Variants in ATE1 observed in about 807,000 individuals in gnomAD.
ATE1 encodes arginyl-tRNA--protein transferase 1.
A neutral mutation model predicts 70.5 loss-of-function variants in ATE1; 36 were observed. The ratio of observed to expected loss-of-function variants is 0.51; its 90% CI spans 0.39 to 0.67. The LOEUF (loss-of-function observed/expected upper bound fraction) is 0.67, where lower values mean the gene tolerates loss of function less well. ATE1 is among the 30% of genes least tolerant of loss of function. ATE1 has a pLI of 0.00. For missense variants in ATE1, 593 were observed against 629.5 expected (o/e 0.94, Z 0.62); for synonymous variants, 232 against 219.3 (o/e 1.06, Z -0.51).
intron 11 of ATE1, among the ~76,000 whole-genome samples, chr10:121,766,505 C>T (rs1451191513): frequency 6.6e-6 from 1 of 152,104 alleles, no homozygotes; most frequent in Non-Finnish European, 1.5e-5. Context: ...AGGAGTGACA[C>T]AGTGATAAAC....
At chr10:121,896,847 A>G (rs1950800462) in intron 7 of ATE1, among the ~76,000 whole-genome samples, 1 of 146,820 alleles carries the variant, frequency 6.8e-6, no homozygotes. Context: ...AAAAAAAAAA[A>G]AAAGCCTCAT....
At chr10:121,810,451 T>C (rs1321559270) in intron 10 of ATE1, among the ~76,000 whole-genome samples, 3 of 152,088 alleles carry the variant, frequency 2.0e-5, no homozygotes, top group African/African-American at 7.2e-5. Flanking sequence ...TTTGTATTTT[T>C]AGTAGAGACG....
At chr10:121,895,295 T>C (rs563177282) in intron 7 of ATE1, among the ~76,000 whole-genome samples, 20 of 152,234 alleles carry the variant, frequency 1.3e-4, no homozygotes, top group African/African-American at 4.1e-4. Context: ...TAATAGAATT[T>C]TCTATAAAAG....
At chr10:121,927,751 G>A in intron 1 of ATE1, 93 bp downstream of exon 1, 1 of 1,417,510 alleles carries the variant, frequency 7.1e-7, no homozygotes, top group Non-Finnish European at 9.3e-7. Flanking sequence ...CTGGGGCCAG[G>A]GGCTCCGGCC....
intron 8 of ATE1, among the ~76,000 whole-genome samples, chr10:121,865,582 A>C (rs564847872): frequency 6.6e-6 from 1 of 152,334 alleles, no homozygotes; most frequent in African/African-American, 2.4e-5. Context: ...GTCAATAAAA[A>C]TGTCTGTAAG....
chr10:121,815,115 A>G (rs1347858249), intron 10 of ATE1, among the ~76,000 whole-genome samples: 1 of 152,222 alleles, frequency 6.6e-6, no homozygotes, highest in Admixed American at 6.5e-5. Context: ...AACTGGAAAA[A>G]GCAAGCATCA....
At chr10:121,886,269 A>C (rs1308079963) in intron 7 of ATE1, among the ~76,000 whole-genome samples, 1 of 149,752 alleles carries the variant, frequency 6.7e-6, no homozygotes, top group East Asian at 2.0e-4. Context: ...AATAAAAAAC[A>C]AAAACCAAAA....
intron 11 of ATE1, among the ~76,000 whole-genome samples, chr10:121,774,841 C>A (rs111496185): frequency 2.6e-5 from 3 of 113,506 alleles, no homozygotes; most frequent in Admixed American, 9.1e-5. Flanking sequence ...TGACCCCCCC[C>A]AAAAAAATGA....
At chr10:121,875,967 C>T (rs1411565322) in intron 7 of ATE1, among the ~76,000 whole-genome samples, 3 of 152,192 alleles carry the variant, frequency 2.0e-5, no homozygotes, top group African/African-American at 7.2e-5. Flanking sequence ...TCATTTTAGG[C>T]AACACTGGTC....
chr10:121,873,655 AG>A, intron 7 of ATE1, among the ~76,000 whole-genome samples: 1 of 151,964 alleles, frequency 6.6e-6, no homozygotes, highest in African/African-American at 2.4e-5. Context: ...AAAAGATCCT[AG>A]CAATTTGGAT....
At chr10:121,806,535 C>T (rs1405346186) in intron 10 of ATE1, among the ~76,000 whole-genome samples, 1 of 152,092 alleles carries the variant, frequency 6.6e-6, no homozygotes, top group Non-Finnish European at 1.5e-5. Flanking sequence ...GAATAAAATA[C>T]ACTATCAGGA....
intron 11 of ATE1, among the ~76,000 whole-genome samples, chr10:121,752,040 CAA>C (rs908687382): frequency 2.0e-5 from 3 of 150,986 alleles, no homozygotes; most frequent in African/African-American, 7.3e-5. Flanking sequence ...AAAAAAAATA[CAA>C]AAAAATTAGC....
At chr10:121,751,423 T>C (rs769945426) in intron 11 of ATE1, among the ~76,000 whole-genome samples, 3 of 152,212 alleles carry the variant, frequency 2.0e-5, no homozygotes, top group Non-Finnish European at 2.9e-5. Flanking sequence ...CATTTGACAT[T>C]CCCACCAGCA....
intron 10 of ATE1, among the ~76,000 whole-genome samples, chr10:121,820,348 T>C (rs1947744761): frequency 6.6e-6 from 1 of 152,176 alleles, no homozygotes; most frequent in South Asian, 2.1e-4. Context: ...CATTAATAGA[T>C]TGTATTATAG....
intron 11 of ATE1, among the ~76,000 whole-genome samples, chr10:121,768,705 C>CA (rs1945377892): frequency 6.6e-6 from 1 of 152,166 alleles, no homozygotes; most frequent in Non-Finnish European, 1.5e-5. Context: ...CAAAACATTA[C>CA]ATAACATTTC....
chr10:121,928,379 T>C (rs562631444), upstream of ATE1: 3 of 1,533,032 alleles, frequency 2.0e-6, no homozygotes, highest in East Asian at 7.8e-5. Flanking sequence ...GGAATCGCAG[T>C]AGCCGCAGTG....
chr10:121,846,548 C>T (rs891404195), intron 8 of ATE1: 3 of 152,116 alleles, frequency 2.0e-5, no homozygotes, highest in African/African-American at 4.8e-5. Flanking sequence ...AAGGTGCTAG[C>T]AGTATCAGCA....
intron 5 of ATE1, among the ~76,000 whole-genome samples, chr10:121,906,843 C>T (rs1184858200): frequency 6.6e-6 from 1 of 152,148 alleles, no homozygotes; most frequent in African/African-American, 2.4e-5. Flanking sequence ...AGGTGATCCG[C>T]CTGTCTCGGC....
intron 9 of ATE1, among the ~76,000 whole-genome samples, chr10:121,837,169 C>T (rs1948463702): frequency 6.6e-6 from 1 of 152,158 alleles, no homozygotes; most frequent in Non-Finnish European, 1.5e-5. Flanking sequence ...AGGTTAAAAA[C>T]AGTACAGCAC....
Sources: allele counts gnomAD v4.1 joint callset (sites outside exome capture counted in the v4.1 genomes callset), GRCh38; gene constraint gnomAD v4.1.1; transcripts MANE v1.5; gene names NCBI Gene and HGNC (gene_info 2026-07-23, HGNC 2026-07-21).